Variants in SYN3 observed in about 807,000 individuals in gnomAD.
SYN3 encodes synapsin III.
Under a neutral mutation model 65.8 loss-of-function variants are expected in SYN3, and 35 were observed. The ratio of observed to expected loss-of-function variants is 0.53; its 90% confidence interval spans 0.41 to 0.70. The LOEUF is 0.70. Ranked by LOEUF, SYN3 falls within the 30% of genes least tolerant of loss-of-function variation. The pLI is 0.00. For synonymous variants in SYN3, 270 were observed against 292.9 expected (o/e 0.92, Z 0.80); for missense variants, 680 against 749.0 (o/e 0.91, Z 1.08).
intron 7 of SYN3, among the ~76,000 whole-genome samples, chr22:32,591,225 T>C (rs955031642): frequency 1.3e-5 from 2 of 151,636 alleles, no homozygotes; most frequent in African/African-American, 2.4e-5. Flanking sequence ...CGGAGACATA[T>C]GGCTGCATTT....
intron 1 of SYN3, among the ~76,000 whole-genome samples, chr22:33,019,754 G>A (rs1475462129): frequency 6.6e-6 from 1 of 152,086 alleles, no homozygotes; most frequent in African/African-American, 2.4e-5. Context: ...CAAGTAGCTG[G>A]GACTACAGGC....
chr22:32,839,010 A>C (rs984496011), intron 6 of SYN3, among the ~76,000 whole-genome samples: 1 of 151,684 alleles, frequency 6.6e-6, no homozygotes, highest in African/African-American at 2.4e-5. Flanking sequence ...GGGTGGACAG[A>C]AGGCTTCCTG....
At chr22:32,968,051 A>G (rs531621893) in intron 3 of SYN3, among the ~76,000 whole-genome samples, 4 of 152,320 alleles carry the variant, frequency 2.6e-5, no homozygotes, top group Admixed American at 6.5e-5. Context: ...GCTTAGTCCA[A>G]GTGGCTGGAC....
At chr22:32,962,518 C>T (rs573750016) in intron 3 of SYN3, among the ~76,000 whole-genome samples, 87 of 152,194 alleles carry the variant, frequency 5.7e-4, no homozygotes, top group African/African-American at 1.7e-3. Flanking sequence ...CAAAGCCACG[C>T]GGAAGCAGTA....
In SYN3 at chr22:32,864,955, G is replaced by A. The variant is rs770501349; in HGVS notation, c.671C>T (p.Pro224Leu). ...GGGGAAAAATGTTTGCTCCACAAGC[G>A]GGAACTTCTCAGGACCCAGGGAATG... ...IFHSLGPEKFPLVEQTFFPNH... is the reference protein window; with the variant it reads ...IFHSLGPEKFLLVEQTFFPNH... Residue 224 changes from proline (P) to leucine (L), a missense_variant, in exon 6 of 14, where the codon CCG becomes CTG. Physicochemically the swap from Pro to Leu is moderately conservative, Grantham distance 98 (BLOSUM62 -3). Transcript: ENST00000358763. 2.9e-5 allele frequency: 47 copies of A among 1,613,982 alleles called. No individual in the cohort carries two copies. The highest frequency in any genetic ancestry group is 4.4e-5 in the South Asian group (4 of 91,078).
At chr22:32,999,788 A>T (rs2053004529) in intron 2 of SYN3, among the ~76,000 whole-genome samples, 1 of 152,222 alleles carries the variant, frequency 6.6e-6, no homozygotes, top group African/African-American at 2.4e-5. Flanking sequence ...TATGACTTTG[A>T]GGGCAACGAT....
chr22:32,969,875 G>A (rs2051965066), intron 3 of SYN3, among the ~76,000 whole-genome samples: 2 of 152,170 alleles, frequency 1.3e-5, no homozygotes, highest in South Asian at 4.1e-4. Context: ...TGGATGACAG[G>A]TGCCAACTGA....
At chr22:32,695,943 C>T (rs1281771684) in intron 6 of SYN3, among the ~76,000 whole-genome samples, 3 of 151,988 alleles carry the variant, frequency 2.0e-5, no homozygotes, top group East Asian at 1.9e-4. Flanking sequence ...TTGTCTTCCT[C>T]TGATGAAACC....
At chr22:32,754,242 C>G (rs2045227611) in intron 6 of SYN3, among the ~76,000 whole-genome samples, 2 of 152,118 alleles carry the variant, frequency 1.3e-5, no homozygotes, top group South Asian at 4.1e-4. Flanking sequence ...ACCTCTGCCT[C>G]CCGGGTTCAA....
intron 6 of SYN3, among the ~76,000 whole-genome samples, chr22:32,702,348 G>C (rs1478264685): frequency 6.6e-6 from 1 of 152,050 alleles, no homozygotes; most frequent in African/African-American, 2.4e-5. Context: ...CGTGGTGGCG[G>C]GTGCCTGTAG....
At chr22:32,622,171 T>A (rs1480528746) in intron 6 of SYN3, among the ~76,000 whole-genome samples, 2 of 151,888 alleles carry the variant, frequency 1.3e-5, no homozygotes, top group Admixed American at 6.6e-5. Flanking sequence ...ACTGGAAAAG[T>A]CCACTTTGTC....
intron 6 of SYN3, among the ~76,000 whole-genome samples, chr22:32,649,342 G>A (rs755024075): frequency 3.3e-5 from 5 of 152,164 alleles, no homozygotes; most frequent in Non-Finnish European, 5.9e-5. Flanking sequence ...TTAAGCCGCC[G>A]AGCTTTGGGA....
chr22:32,689,487 C>G (rs1487829638), intron 6 of SYN3, among the ~76,000 whole-genome samples: 2 of 152,314 alleles, frequency 1.3e-5, no homozygotes, highest in East Asian at 3.9e-4. Flanking sequence ...TCTTCTCCTG[C>G]TCTAAAGGAA....
At chr22:32,523,605 A>G (rs1264013993) in intron 12 of SYN3, among the ~76,000 whole-genome samples, 1 of 152,200 alleles carries the variant, frequency 6.6e-6, no homozygotes, top group Admixed American at 6.5e-5. Flanking sequence ...CCATTTCCCT[A>G]TCTCTCTTCC....
intron 6 of SYN3, among the ~76,000 whole-genome samples, chr22:32,746,251 C>A (rs1382922652): frequency 1.3e-5 from 2 of 152,212 alleles, no homozygotes; most frequent in Non-Finnish European, 2.9e-5. Flanking sequence ...AAGAATCCCC[C>A]TTTGGGTTGA....
intron 6 of SYN3, among the ~76,000 whole-genome samples, chr22:32,821,411 G>A: frequency 6.6e-6 from 1 of 152,220 alleles, no homozygotes; most frequent in African/African-American, 2.4e-5. Flanking sequence ...TCAGTGCTGT[G>A]CTATTAAAAT....
At chr22:32,529,531 G>GA (rs2058036388) in intron 10 of SYN3, among the ~76,000 whole-genome samples, 1 of 152,230 alleles carries the variant, frequency 6.6e-6, no homozygotes, top group African/African-American at 2.4e-5. Flanking sequence ...AGGCGGGAGG[G>GA]AAAAGCATTC....
intron 1 of SYN3, among the ~76,000 whole-genome samples, chr22:33,054,809 G>A (rs143055003): frequency 1.3e-5 from 2 of 152,254 alleles, no homozygotes; most frequent in East Asian, 3.9e-4. Flanking sequence ...TGTTTATTCA[G>A]TCACTTACTG....
At chr22:32,569,353 C>A (rs575328764) in intron 7 of SYN3, among the ~76,000 whole-genome samples, 1 of 151,160 alleles carries the variant, frequency 6.6e-6, no homozygotes, top group African/African-American at 2.4e-5. Flanking sequence ...CAAAATATAT[C>A]TATCTATCCA....
Sources: gnomAD v4.1 joint callset for allele counts (sites outside exome capture counted in the v4.1 genomes callset) on GRCh38, gnomAD v4.1.1 for gene constraint, MANE v1.5 for transcripts, NCBI Gene and HGNC (gene_info 2026-07-23, HGNC 2026-07-21) for gene names.